Variants in LHFPL3 observed in about 807,000 individuals in gnomAD.
The protein encoded by LHFPL3 is LHFPL tetraspan subfamily member 3 protein.
Under a neutral mutation model 19.3 loss-of-function variants are expected in LHFPL3, and 5 were observed. That is an observed-to-expected ratio of 0.26 (90% CI 0.14 to 0.54). The LOEUF is 0.54. LHFPL3 is among the 20% of genes least tolerant of loss of function. The probability of loss-of-function intolerance (pLI) is 0.94; values close to 1 mark genes in which losing one functional copy is unlikely to be tolerated. For synonymous variants in LHFPL3, 133 were observed against 126.2 expected, an observed-to-expected ratio of 1.05 and a Z score of -0.36; for missense variants, 249 against 307.4, an observed-to-expected ratio of 0.81 and a Z score of 1.42.
intron 2 of LHFPL3, among the ~76,000 whole-genome samples, chr7:104,764,494 G>A (rs1419959333): frequency 2.0e-5 from 3 of 152,166 alleles, no homozygotes; most frequent in Non-Finnish European, 2.9e-5. Context: ...TTAATCCCAA[G>A]CCCAGATTCC....
intron 1 of LHFPL3, among the ~76,000 whole-genome samples, chr7:104,436,397 A>G (rs1026795340): frequency 2.6e-5 from 4 of 152,208 alleles, no homozygotes; most frequent in African/African-American, 9.6e-5. Flanking sequence ...CAGAGAGTGA[A>G]TAACTATCCC....
At chr7:104,538,954 G>T (rs1794438264) in intron 1 of LHFPL3, among the ~76,000 whole-genome samples, 1 of 152,222 alleles carries the variant, frequency 6.6e-6, no homozygotes, top group African/African-American at 2.4e-5. Flanking sequence ...AGATGTGACT[G>T]TGGAAGAATG....
intron 1 of LHFPL3, among the ~76,000 whole-genome samples, chr7:104,527,434 G>T (rs1157585781): frequency 6.6e-6 from 1 of 152,122 alleles, no homozygotes; most frequent in African/African-American, 2.4e-5. Context: ...GTGGCGAGGT[G>T]TGGACAGATT....
chr7:104,857,144 A>G (rs12705283), intron 2 of LHFPL3, among the ~76,000 whole-genome samples: 74,778 of 151,992 alleles, frequency 0.49, 19,164 homozygotes, highest in Non-Finnish European at 0.58. Context: ...AGGACACCAT[A>G]GCTCAGTGAG....
intron 2 of LHFPL3, among the ~76,000 whole-genome samples, chr7:104,765,415 G>C (rs1391289447): frequency 6.6e-6 from 1 of 152,156 alleles, no homozygotes; most frequent in African/African-American, 2.4e-5. Flanking sequence ...AATCTATAAA[G>C]AGATACCTAA....
chr7:104,726,800 C>T (rs1196791140), intron 1 of LHFPL3, among the ~76,000 whole-genome samples: 2 of 152,142 alleles, frequency 1.3e-5, no homozygotes, highest in Non-Finnish European at 2.9e-5. Context: ...CATATGCATG[C>T]ATGTGTCTTT....
chr7:104,765,395 C>G (rs762459627), intron 2 of LHFPL3, among the ~76,000 whole-genome samples: 2 of 152,214 alleles, frequency 1.3e-5, no homozygotes, highest in Admixed American at 6.5e-5. Context: ...CCTTGCAATA[C>G]TGTCTTGCTA....
intron 2 of LHFPL3, among the ~76,000 whole-genome samples, chr7:104,827,869 G>A (rs1042934782): frequency 6.6e-6 from 1 of 151,886 alleles, no homozygotes; most frequent in Non-Finnish European, 1.5e-5. Context: ...GGTCTCCACT[G>A]CTCTCTGGGG....
intron 1 of LHFPL3, among the ~76,000 whole-genome samples, chr7:104,484,786 A>C (rs573393108): frequency 1.6e-4 from 25 of 152,324 alleles, no homozygotes; most frequent in African/African-American, 5.8e-4. Flanking sequence ...AGAGCATGAC[A>C]GAGAGACAGG....
chr7:104,646,667 C>T (rs931075321), intron 1 of LHFPL3, among the ~76,000 whole-genome samples: 11 of 152,124 alleles, frequency 7.2e-5, no homozygotes, highest in Admixed American at 1.3e-4. Flanking sequence ...CCTAATCAAA[C>T]GTAAACATAA....
In LHFPL3 at chr7:104,516,759, CAG is replaced by C. The variant is rs139331889; in HGVS notation, c.445+187537_445+187538del. 3.4e-3 allele frequency among the ~76,000 whole-genome samples: 510 copies of C among 152,124 alleles called. 22 individuals carry two copies. The East Asian group carries it at 0.095, about 28-fold the overall frequency. On this transcript the variant is annotated intron_variant, in intron 1 of 2. Coordinates refer to ENST00000424859, the MANE Select transcript of LHFPL3 (RefSeq NM_199000.3). Reference sequence around the variant, plus strand: ...TGATGATTCCACAGAGACCTAAAAACAGAACTACCATTAGACCCAATAATCCC... The same window carrying C: ...TGATGATTCCACAGAGACCTAAAAACAACTACCATTAGACCCAATAATCCC...
intron 2 of LHFPL3, among the ~76,000 whole-genome samples, chr7:104,871,350 C>T (rs543731163): frequency 7.9e-5 from 12 of 152,132 alleles, no homozygotes; most frequent in Non-Finnish European, 1.6e-4. Flanking sequence ...AAGTGTGGTA[C>T]ACCTGCATAG....
At chr7:104,596,094 G>A (rs1414748342) in intron 1 of LHFPL3, among the ~76,000 whole-genome samples, 5 of 152,220 alleles carry the variant, frequency 3.3e-5, no homozygotes, top group Admixed American at 3.3e-4. Context: ...CCAGTGAGAT[G>A]AACCAGGTAC....
intron 1 of LHFPL3, among the ~76,000 whole-genome samples, chr7:104,477,373 G>A (rs552296501): frequency 3.0e-4 from 45 of 152,254 alleles, no homozygotes; most frequent in Admixed American, 1.6e-3. Context: ...CCACATGCCA[G>A]GCACTGTGCT....
intron 2 of LHFPL3, among the ~76,000 whole-genome samples, chr7:104,816,143 C>T (rs1367047595): frequency 2.0e-5 from 3 of 152,106 alleles, no homozygotes; most frequent in South Asian, 2.1e-4. Context: ...TGAAGAACTG[C>T]GCCCTGTGAA....
At chr7:104,797,080 G>C (rs1303818573) in intron 2 of LHFPL3, 1 of 152,380 alleles carries the variant, frequency 6.6e-6, no homozygotes, top group African/African-American at 2.4e-5. Context: ...TTTGGCTTAA[G>C]TGCATCAAAG....
At position 104,329,045 on chromosome 7, in the gene LHFPL3, C is replaced by T. The variant is rs1183643277; in HGVS notation, c.266C>T (p.Thr89Ile). ...GGCAACGGCTTCTCCCGGGAGCTGA[C>T]CTGCAGGGGCAGCTTCACGGACTTC... ...CIGNGFSREL[T>I]CRGSFTDFST... The change falls in exon 1 of 3, where the codon ACC becomes ATC. Residue 89 changes from threonine (T) to isoleucine (I), a missense_variant. By Grantham distance (89) the Thr-to-Ile change is moderately conservative. Transcript: ENST00000424859. 2 of 1,613,948 alleles carry T rather than the reference C, an allele frequency of 1.2e-6. No individual in the cohort carries two copies. Among genetic ancestry groups the T allele is most frequent in the Non-Finnish European group, 1.7e-6 (2 of 1,179,918 alleles).
At chr7:104,424,983 T>TAAAA (rs71153196) in intron 1 of LHFPL3, among the ~76,000 whole-genome samples, 14 of 65,096 alleles carry the variant, frequency 2.2e-4, no homozygotes, top group African/African-American at 6.6e-4. Context: ...CTCCATCTCA[T>TAAAA]AAAAAAAAAA....
intron 1 of LHFPL3, among the ~76,000 whole-genome samples, chr7:104,613,734 G>A (rs534305540): frequency 2.4e-4 from 37 of 152,264 alleles, no homozygotes; most frequent in African/African-American, 8.9e-4. Context: ...ACTAGATTAA[G>A]GTGGTCAAAG....
Sources: allele counts gnomAD v4.1 joint callset (sites outside exome capture counted in the v4.1 genomes callset), GRCh38; gene constraint gnomAD v4.1.1; transcripts MANE v1.5; gene names NCBI Gene and HGNC (gene_info 2026-07-23, HGNC 2026-07-21).